Variants in USF3 observed in about 807,000 individuals in gnomAD.
USF3 encodes the protein upstream transcription factor family member 3.
Under a neutral mutation model 157.5 loss-of-function variants are expected in USF3, and 29 were observed. That is an observed-to-expected ratio of 0.18 (90% CI 0.14 to 0.25). The LOEUF is 0.25. Among genes scored for constraint, USF3 ranks in the 10% least tolerant of loss-of-function variants. USF3 has a pLI of 1.00. For synonymous variants in USF3, 893 were observed against 941.4 expected (o/e 0.95, Z 0.94); for missense variants, 2,381 against 2,667.6 (o/e 0.89, Z 2.37).
Position 113,649,938 on chromosome 3 carries a change from A to C in USF3, c.*5006T>G, listed in dbSNP as rs75046287. The stretch of plus-strand genomic sequence containing the variant: ...CAAACCCTGGGGAAAGAAAAATGGT[A>C]ATGTTCAGCCAAAAAGGCATCTTGA... On this transcript the variant is annotated 3_prime_UTR_variant, in exon 7 of 7. Transcript: ENST00000316407. 1.5e-6 allele frequency: 1 copy of C among 689,598 alleles called. No homozygotes were observed. Among genetic ancestry groups the C allele is most frequent in the Non-Finnish European group, 2.6e-6 (1 of 380,148 alleles). The allele number at this position is 689,598 out of a possible 1,614,324, so 42.7% of individuals were successfully genotyped here. A position where few individuals can be genotyped will look rare whatever the true frequency, so the allele number is the denominator to read the frequency against.
At position 113,658,160 on chromosome 3, in the gene USF3, T is replaced by G; in HGVS notation, c.3522A>C (p.Pro1174=). Reference sequence around the variant, plus strand: ...CTTTAGGTATCTGTGATTTGAAGGGTGGGTCTCCCTCTAACAATGATGCTT... The same window carrying G: ...CTTTAGGTATCTGTGATTTGAAGGGGGGGTCTCCCTCTAACAATGATGCTT... ...PSEASLLEGD[P]PFKSQIPKES... The change falls in exon 7 of 7, where the codon CCA becomes CCC. Residue 1174 remains proline (P), a synonymous_variant. Coordinates refer to ENST00000316407, the MANE Select transcript of USF3 (RefSeq NM_001009899.4). 1 of 1,614,104 alleles carries G rather than the reference T, an allele frequency of 6.2e-7. No homozygotes were observed. Among genetic ancestry groups the G allele is most frequent in the South Asian group, 1.1e-5 (1 of 91,088 alleles).
chr3:113,657,263 TTGC>T lies in USF3; in HGVS notation c.4416_4418del (p.Gln1478del), dbSNP rs10606566. Reference sequence around the variant, plus strand: ...ACTGCCCTGCTTGTTGTTGTTGCTGTTGCTGCTGCTGCTGCTGCTGCTGCTGCT... The same window carrying T: ...ACTGCCCTGCTTGTTGTTGTTGCTGTTGCTGCTGCTGCTGCTGCTGCTGCT... On this transcript the variant is annotated inframe_deletion, in exon 7 of 7. Coordinates refer to ENST00000316407, the MANE Select transcript of USF3 (RefSeq NM_001009899.4). 694,244 of 1,581,660 alleles carry T rather than the reference TTGC, an allele frequency of 0.44. 138,455 individuals carry two copies. The highest frequency in any genetic ancestry group is 0.58 in the East Asian group (25,467 of 43,720).
chr3:113,651,327 T>C lies in USF3; in HGVS notation c.*3617A>G, dbSNP rs1014130429. 4.6e-5 allele frequency: 7 copies of C among 152,308 alleles called. No individual in the cohort carries two copies. Among genetic ancestry groups the C allele is most frequent in the African/African-American group, 1.7e-4 (7 of 41,574 alleles). 9.4% of individuals were successfully genotyped at this position (152,308 alleles called of 1,614,324 possible). On this transcript the variant is annotated 3_prime_UTR_variant, in exon 7 of 7. Coordinates refer to ENST00000316407, the MANE Select transcript of USF3 (RefSeq NM_001009899.4). ...AAATTCTTGTTGCTCTTTAAGAGAA[T>C]ACGAGGCATACTGGTTCCCAAAGCC...
chr3:113,692,804 C>T (rs917555940), intron 1 of USF3, among the ~76,000 whole-genome samples: 1 of 152,120 alleles, frequency 6.6e-6, no homozygotes, highest in Non-Finnish European at 1.5e-5. Flanking sequence ...TGCAATTGTC[C>T]CCATATGGAA....
In USF3 at chr3:113,660,720, C is replaced by T. The variant is rs751636525; in HGVS notation, c.962G>A (p.Cys321Tyr). The change falls in exon 7 of 7, where the codon TGC becomes TAC. Residue 321 changes from cysteine (C) to tyrosine (Y), a missense_variant. By Grantham distance (194) the Cys-to-Tyr change is radical. Coordinates refer to ENST00000316407, the MANE Select transcript of USF3 (RefSeq NM_001009899.4). ...ACCTCTGAAGTCCTGTATGCTCAGG[C>T]AGGACTTGTTTCCATGGTGCACTTT... Reference protein sequence around the residue: ...ATKVHHGNKSCLSIQDFRGDF... With the variant: ...ATKVHHGNKSYLSIQDFRGDF... The T allele has an allele frequency of 1.2e-6, 2 of 1,614,196 alleles. No homozygotes were observed. The highest frequency in any genetic ancestry group is 1.7e-6 in the Non-Finnish European group (2 of 1,180,036).
intron 1 of USF3, among the ~76,000 whole-genome samples, chr3:113,692,793 G>A (rs1332975959): frequency 2.0e-5 from 3 of 152,202 alleles, no homozygotes; most frequent in African/African-American, 4.8e-5. Flanking sequence ...TTCTGAAGTA[G>A]TGCAATTGTC....
Position 113,654,533 on chromosome 3 carries a change from C to T in USF3, c.*411G>A, listed in dbSNP as rs1039776398. On this transcript the variant is annotated 3_prime_UTR_variant, in exon 7 of 7. Coordinates refer to ENST00000316407, the MANE Select transcript of USF3 (RefSeq NM_001009899.4). Reference sequence around the variant, plus strand: ...ACATTAGCCAGCACTTGATTATGAGCCACTGTGTTTTATCAAGCTGCCTAT... The same window carrying T: ...ACATTAGCCAGCACTTGATTATGAGTCACTGTGTTTTATCAAGCTGCCTAT... The T allele has an allele frequency of 6.1e-6, 1 of 163,686 alleles. No individual in the cohort carries two copies. The highest frequency in any genetic ancestry group is 6.1e-5 in the Admixed American group (1 of 16,366). 10.1% of individuals were successfully genotyped at this position (163,686 alleles called of 1,614,324 possible).
intron 5 of USF3, among the ~76,000 whole-genome samples, chr3:113,665,559 G>C (rs1480251944): frequency 6.6e-6 from 1 of 152,224 alleles, no homozygotes; most frequent in Non-Finnish European, 1.5e-5. Context: ...AGGCGCAGTG[G>C]CTCATGCCTA....
chr3:113,656,144 T>C lies in USF3; in HGVS notation c.5538A>G (p.Thr1846=), dbSNP rs753587787. The change falls in exon 7 of 7, where the codon ACA becomes ACG. Residue 1846 remains threonine (T), a synonymous_variant. Coordinates refer to ENST00000316407, the MANE Select transcript of USF3 (RefSeq NM_001009899.4). The stretch of plus-strand genomic sequence containing the variant: ...CAATTGCAGAGGATGGACCACACTG[T>C]GTATTCCTCTGATGTTCTGAGAGTG... ...QRSLSEHQRN[T]QCGPSSAIEY... 2.5e-6 allele frequency: 4 copies of C among 1,614,194 alleles called. No individual in the cohort carries two copies. In the East Asian group the frequency reaches 8.9e-5, roughly 36 times the overall value.
chr3:113,666,491 G>A (rs1360807346), intron 5 of USF3, among the ~76,000 whole-genome samples: 1 of 149,182 alleles, frequency 6.7e-6, no homozygotes, highest in East Asian at 2.0e-4. Context: ...GACCTCAGGT[G>A]ATCCTCCCAC....
chr3:113,678,178 T>C (rs1036331732), intron 1 of USF3, among the ~76,000 whole-genome samples: 1 of 152,164 alleles, frequency 6.6e-6, no homozygotes, highest in Admixed American at 6.5e-5. Context: ...AGGAAAAAGC[T>C]GGAAACACAG....
chr3:113,696,259 G>A (rs1169783285), intron 1 of USF3, 111 bp downstream of exon 1: 7 of 152,638 alleles, frequency 4.6e-5, no homozygotes, highest in Admixed American at 6.5e-5. Flanking sequence ...TCCCGGAGCA[G>A]GAAGGGGGTG....
At position 113,656,129 on chromosome 3, in the gene USF3, G is replaced by A. The variant is rs377118541; in HGVS notation, c.5553C>T (p.Ser1851=). ...GGGGACAATTATATTCAATTGCAGAGGATGGACCACACTGTGTATTCCTCT... is the reference window on the plus strand; with the variant it reads ...GGGGACAATTATATTCAATTGCAGAAGATGGACCACACTGTGTATTCCTCT... ...EHQRNTQCGP[S]SAIEYNCPPT... The change falls in exon 7 of 7, where the codon TCC becomes TCT. Residue 1851 remains serine (S), a synonymous_variant. Coordinates refer to ENST00000316407, the MANE Select transcript of USF3 (RefSeq NM_001009899.4). The A allele has an allele frequency of 2.9e-5, 47 of 1,614,062 alleles. No individual in the cohort carries two copies. Among genetic ancestry groups the A allele is most frequent in the Middle Eastern group, 3.3e-4 (2 of 6,084 alleles).
At chr3:113,669,795 G>T (rs1429663130) in intron 5 of USF3, among the ~76,000 whole-genome samples, 1 of 152,104 alleles carries the variant, frequency 6.6e-6, no homozygotes, top group Non-Finnish European at 1.5e-5. Context: ...AAATTTAAAA[G>T]GAGTAAGAAC....
rs755890141 is a variant in USF3, at chr3:113,660,571, C to T, written c.1111G>A (p.Val371Met). 6.2e-7 allele frequency: 1 copy of T among 1,614,216 alleles called. No individual in the cohort carries two copies. The highest frequency in any genetic ancestry group is 8.5e-7 in the Non-Finnish European group (1 of 1,180,038). The stretch of plus-strand genomic sequence containing the variant: ...ACTCCAGGGGCAGATGATGCCACCA[C>T]TGTAGCTGTACTTGTCAAGTCTGCA... Reference protein sequence around the residue: ...KSADLTSTATVVASSAPGVGK... With the variant: ...KSADLTSTATMVASSAPGVGK... Residue 371 changes from valine (V) to methionine (M), a missense_variant, in exon 7 of 7, where the codon GTG becomes ATG. Physicochemically the swap from Val to Met is conservative, Grantham distance 21 (BLOSUM62 1). Around this residue, in one of 6 missense-constraint regions of USF3, gnomAD observed 1,435 missense variants for 1,550.9 expected, o/e 0.93. Transcript: ENST00000316407.
intron 6 of USF3, among the ~76,000 whole-genome samples, chr3:113,663,179 C>T (rs906447175): frequency 5.3e-5 from 8 of 152,002 alleles, no homozygotes; most frequent in African/African-American, 1.9e-4. Context: ...ATTTAGGCTG[C>T]CTTAGATCCC....
rs998957662 is a variant in USF3, at chr3:113,688,892, G to A, written c.-135+7478C>T. Among the ~76,000 whole-genome samples the A allele has an allele frequency of 3.3e-5, 5 of 152,150 alleles. No homozygotes were observed. In the East Asian group the frequency reaches 5.8e-4, roughly 18 times the overall value. On this transcript the variant is annotated intron_variant, in intron 1 of 6. Transcript: ENST00000316407. ...CGTCTCTACTGAAAATTAGCTGGGC[G>A]TGGTGGCGGGAGCCTGTAGTCCCAG...
At position 113,650,476 on chromosome 3, in the gene USF3, G is replaced by C. The variant is rs1947241757; in HGVS notation, c.*4468C>G. ...TAATCATCTCGCTAAGGAAATGACT[G>C]GCTTCCCTGAGCCCTATTTGACATG... is the stretch of plus-strand genomic sequence containing the variant. On this transcript the variant is annotated 3_prime_UTR_variant, in exon 7 of 7. Coordinates refer to ENST00000316407, the MANE Select transcript of USF3 (RefSeq NM_001009899.4). The C allele has an allele frequency of 6.6e-6, 1 of 152,174 alleles. No homozygotes were observed. Among genetic ancestry groups the C allele is most frequent in the African/African-American group, 2.4e-5 (1 of 41,434 alleles). The allele number at this position is 152,174 out of a possible 1,614,324, so 9.4% of individuals were successfully genotyped here. A position where few individuals can be genotyped will look rare whatever the true frequency, so the allele number is the denominator to read the frequency against.
intron 5 of USF3, among the ~76,000 whole-genome samples, chr3:113,667,642 G>A (rs1317138995): frequency 6.6e-6 from 1 of 152,142 alleles, no homozygotes; most frequent in Non-Finnish European, 1.5e-5. Context: ...CGAGGTGGGT[G>A]GATCACTTGA....
Sources: allele counts gnomAD v4.1 joint callset (sites outside exome capture counted in the v4.1 genomes callset), GRCh38; gene constraint gnomAD v4.1.1; regional missense constraint gnomAD v4.1.1; transcripts MANE v1.5; gene names NCBI Gene and HGNC (gene_info 2026-07-23, HGNC 2026-07-21).